TBCD: variants seen among roughly 807,000 people sequenced by gnomAD.
TBCD encodes tubulin folding cofactor D.
A neutral mutation model predicts 169.3 loss-of-function variants in TBCD; 105 were observed. That is an observed-to-expected ratio of 0.62 (90% confidence interval 0.53 to 0.73). TBCD has a LOEUF of 0.73. Ranked by LOEUF, TBCD falls within the 30% of genes least tolerant of loss-of-function variation. TBCD has a pLI of 0.00. For synonymous variants in TBCD, 700 were observed against 643.9 expected (o/e 1.09, Z -1.32); for missense variants, 1,444 against 1,600.1 (o/e 0.90, Z 1.66).
intron 33 of TBCD, among the ~76,000 whole-genome samples, 166 bp from the exon 34 acceptor site, chr17:82,932,492 C>T (rs927695446): frequency 6.6e-6 from 1 of 152,238 alleles, no homozygotes; most frequent in Non-Finnish European, 1.5e-5. Flanking sequence ...AGCCTTGTTT[C>T]TTCTTTCCAC....
chr17:82,786,127 C>G (rs2049302770), intron 7 of TBCD, among the ~76,000 whole-genome samples: 1 of 152,094 alleles, frequency 6.6e-6, no homozygotes, highest in Non-Finnish European at 1.5e-5. Context: ...AAAGCAGTGT[C>G]CTTATAATCA....
intron 14 of TBCD, among the ~76,000 whole-genome samples, chr17:82,875,723 G>A (rs752588811): frequency 5.9e-5 from 9 of 152,328 alleles, no homozygotes; most frequent in South Asian, 2.1e-4. Flanking sequence ...CTCCCTCACC[G>A]GTGTTGCTCA....
chr17:82,801,624 CAG>C (rs1176461403), intron 9 of TBCD, among the ~76,000 whole-genome samples: 126 of 120,108 alleles, frequency 1.0e-3, no homozygotes, highest in Non-Finnish European at 1.4e-3. Context: ...TCGTGTGGCT[CAG>C]AGTCAGCGTG....
rs1413861392 is a variant in TBCD, at chr17:82,811,042, T to C, written c.1223+1260T>C. Among the ~76,000 whole-genome samples the C allele has an allele frequency of 5.9e-5, 9 of 152,344 alleles. No homozygotes were observed. The East Asian group carries it at 1.7e-3, about 29-fold the overall frequency. On this transcript the variant is annotated intron_variant, in intron 12 of 38. Coordinates refer to ENST00000355528, the MANE Select transcript of TBCD (RefSeq NM_005993.5). ...ACATTGCTAGCAGAAAACATGCTCT[T>C]TACCACAACTGCTTGATGGGAGGCA...
In TBCD at chr17:82,924,016, G is replaced by A. The variant is rs150281669; in HGVS notation, c.2260+283G>A. Among the ~76,000 whole-genome samples the A allele has an allele frequency of 1.3e-3, 205 of 152,286 alleles. 2 individuals carry two copies. Among genetic ancestry groups the A allele is most frequent in the Middle Eastern group, 0.01 (3 of 294 alleles). On this transcript the variant is annotated intron_variant, in intron 26 of 38. Transcript: ENST00000355528. ...ATCACCCAGGCTGGAGTGGTGTGGCGTGATTCGGCTCACTGCAACCTCTGC... is the reference window on the plus strand; with the variant it reads ...ATCACCCAGGCTGGAGTGGTGTGGCATGATTCGGCTCACTGCAACCTCTGC...
chr17:82,838,864 C>A, intron 13 of TBCD: 1 of 985,420 alleles, frequency 1.0e-6, no homozygotes, highest in Non-Finnish European at 1.2e-6. Flanking sequence ...ACTTTACAGT[C>A]GCCGCCTCAT....
chr17:82,853,576 C>CTT (rs796846271), intron 13 of TBCD, among the ~76,000 whole-genome samples: 4 of 145,774 alleles, frequency 2.7e-5, no homozygotes, highest in Non-Finnish European at 4.6e-5. Flanking sequence ...CTCATTTTTT[C>CTT]TTTTTTTTTT....
At chr17:82,849,630 G>A (rs2055482723) in intron 13 of TBCD, among the ~76,000 whole-genome samples, 3 of 152,202 alleles carry the variant, frequency 2.0e-5, no homozygotes, top group South Asian at 2.1e-4. Context: ...CCAAGCACAC[G>A]GATAAACTGA....
At chr17:82,827,526 T>C (rs2052965419) in intron 13 of TBCD, among the ~76,000 whole-genome samples, 1 of 152,190 alleles carries the variant, frequency 6.6e-6, no homozygotes. Flanking sequence ...CCAGGGGTGC[T>C]TCGCACATGC....
At position 82,831,161 on chromosome 17, in the gene TBCD, C is replaced by T. The variant is rs145716788; in HGVS notation, c.1318+16227C>T. ...CTGGAGGCTGCCTTGTTGGAGAGGT[C>T]GTACAGGCCTTCGCAGGTCTGGCTC... On this transcript the variant is annotated intron_variant, in intron 13 of 38. Coordinates refer to ENST00000355528, the MANE Select transcript of TBCD (RefSeq NM_005993.5). The surrounding 1 kb of genome is among the most constrained non-coding windows in gnomAD (Gnocchi z 4.6). 5.0e-6 allele frequency: 8 copies of T among 1,613,998 alleles called. No homozygotes were observed. The highest frequency in any genetic ancestry group is 1.7e-5 in the Admixed American group (1 of 60,006).
chr17:82,753,262 C>T (rs2047211901), intron 1 of TBCD, among the ~76,000 whole-genome samples: 1 of 152,062 alleles, frequency 6.6e-6, no homozygotes, highest in Non-Finnish European at 1.5e-5. Flanking sequence ...GCGTCAGATC[C>T]TCCTGCCTGT....
At chr17:82,891,876 G>C (rs986263884) in intron 16 of TBCD, among the ~76,000 whole-genome samples, 2 of 152,130 alleles carry the variant, frequency 1.3e-5, no homozygotes, top group Non-Finnish European at 2.9e-5. Flanking sequence ...TGAGCCCAGG[G>C]GCTCTTGAGC....
chr17:82,764,190 T>A (rs2047910909), intron 3 of TBCD, 128 bp downstream of exon 3: 4 of 745,880 alleles, frequency 5.4e-6, no homozygotes, highest in Non-Finnish European at 8.7e-6. Flanking sequence ...TTTAATTCTG[T>A]CCCTTTTTAC....
intron 33 of TBCD, among the ~76,000 whole-genome samples, chr17:82,931,463 A>T (rs1266753877): frequency 6.6e-6 from 1 of 152,154 alleles, no homozygotes; most frequent in African/African-American, 2.4e-5. Flanking sequence ...TGGTCACTTG[A>T]GGCGCTGGGC....
intron 34 of TBCD, among the ~76,000 whole-genome samples, chr17:82,935,761 T>C (rs1001559426): frequency 6.6e-6 from 1 of 152,230 alleles, no homozygotes; most frequent in African/African-American, 2.4e-5. Context: ...TCCTGTTCAT[T>C]GTGGTATGTG....
At chr17:82,766,423 C>A in intron 4 of TBCD, 55 bp downstream of exon 4, 1 of 1,301,862 alleles carries the variant, frequency 7.7e-7, no homozygotes, top group Non-Finnish European at 1.1e-6. Context: ...GTCCTTCCTC[C>A]CTGCTTGCCC....
At position 82,831,279 on chromosome 17, in the gene TBCD, C is replaced by G. The variant is rs763077317; in HGVS notation, c.1318+16345C>G. 18 of 1,613,938 alleles carry G rather than the reference C, an allele frequency of 1.1e-5. No individual in the cohort carries two copies. The highest frequency in any genetic ancestry group is 1.5e-5 in the Non-Finnish European group (18 of 1,180,038). On this transcript the variant is annotated intron_variant, in intron 13 of 38. Transcript: ENST00000355528. This position sits in a 1 kb window ranked among gnomAD's most constrained non-coding sequence, Gnocchi z 4.6. ...TCATTTTGGACCCTTCCGTGTCTCTCTGCCCAGCCTTGGAGGAGTCTTTAG... is the reference window on the plus strand; with the variant it reads ...TCATTTTGGACCCTTCCGTGTCTCTGTGCCCAGCCTTGGAGGAGTCTTTAG...
In TBCD at chr17:82,905,891, A is replaced by G. The variant is rs762818910; in HGVS notation, c.1805-45A>G. On this transcript the variant is annotated intron_variant, in intron 19 of 38. Coordinates refer to ENST00000355528, the MANE Select transcript of TBCD (RefSeq NM_005993.5). ...CGTGTGGGCTTCCCACAGGCCGTCC[A>G]CATGTACACACCCTCACCTGCCCTC... 9 of 1,485,820 alleles carry G rather than the reference A, an allele frequency of 6.1e-6. No individual in the cohort carries two copies. In the African/African-American group the frequency reaches 8.5e-5, roughly 14 times the overall value. The allele number at this position is 1,485,820 out of a possible 1,614,324, so 92.0% of individuals were successfully genotyped here. A position where few individuals can be genotyped will look rare whatever the true frequency, so the allele number is the denominator to read the frequency against.
chr17:82,815,420 C>T (rs184211836), intron 13 of TBCD, among the ~76,000 whole-genome samples: 1 of 152,290 alleles, frequency 6.6e-6, no homozygotes, highest in East Asian at 1.9e-4. Context: ...ACGTGGTGCT[C>T]CCTGGAGATG....
Sources: gnomAD v4.1 joint callset for allele counts (sites outside exome capture counted in the v4.1 genomes callset) on GRCh38, gnomAD v4.1.1 for gene constraint, Gnocchi (gnomAD v3.1) non-coding constraint, MANE v1.5 for transcripts, NCBI Gene and HGNC (gene_info 2026-07-23, HGNC 2026-07-21) for gene names.